Variants in NLRP11 observed in about 807,000 individuals in gnomAD.
NLRP11 encodes the protein NACHT, LRR and PYD domains-containing protein 11.
In NLRP11, 53 loss-of-function variants were observed where a neutral mutation model predicts 79.3. The observed-to-expected ratio is 0.67, with a 90% CI of 0.54 to 0.84. The LOEUF is 0.84. Among genes scored for constraint, NLRP11 ranks in the 40% least tolerant of loss-of-function variants. The pLI is 0.00. For synonymous variants in NLRP11, 518 were observed against 462.6 expected, an observed-to-expected ratio of 1.12 and a Z score of -1.54; for missense variants, 1,264 against 1,255.0, an observed-to-expected ratio of 1.01 and a Z score of -0.11.
At chr19:55,813,840 G>A (rs1210559291) in intron 2 of NLRP11, among the ~76,000 whole-genome samples, 1 of 152,154 alleles carries the variant, frequency 6.6e-6, no homozygotes, top group Non-Finnish European at 1.5e-5. Flanking sequence ...TCACCATGGA[G>A]GACACAGCCA....
At chr19:55,812,124 A>T (rs953074496) in intron 2 of NLRP11, among the ~76,000 whole-genome samples, 3 of 139,662 alleles carry the variant, frequency 2.1e-5, no homozygotes, top group African/African-American at 5.0e-5. Flanking sequence ...AAGTAAAATT[A>T]AAAAAAAATG....
chr19:55,822,819 G>T (rs922462207), intron 1 of NLRP11, among the ~76,000 whole-genome samples: 2 of 152,068 alleles, frequency 1.3e-5, no homozygotes, highest in East Asian at 1.9e-4. Context: ...ACTGCAAGGC[G>T]GCAGCTAGGC....
At chr19:55,820,374 C>A (rs1052932340) in intron 1 of NLRP11, among the ~76,000 whole-genome samples, 1 of 152,004 alleles carries the variant, frequency 6.6e-6, no homozygotes, top group Admixed American at 6.6e-5. Context: ...GAAGACAAAC[C>A]CTGGGGCACA....
chr19:55,811,355 C>T (rs2122833041), intron 2 of NLRP11, among the ~76,000 whole-genome samples: 1 of 152,284 alleles, frequency 6.6e-6, no homozygotes, highest in Middle Eastern at 3.4e-3. Flanking sequence ...GGGATGACTC[C>T]TTCCTTAGTG....
intron 1 of NLRP11, among the ~76,000 whole-genome samples, chr19:55,822,505 G>A (rs564955309): frequency 6.6e-6 from 1 of 152,208 alleles, no homozygotes; most frequent in Admixed American, 6.5e-5. Flanking sequence ...GAGGTACCGG[G>A]TTCATCTCAC....
At chr19:55,799,986 A>G (rs1196763649) in intron 5 of NLRP11, among the ~76,000 whole-genome samples, 1 of 152,138 alleles carries the variant, frequency 6.6e-6, no homozygotes, top group Non-Finnish European at 1.5e-5. Context: ...AATGAAAACA[A>G]AAACAAAAAG....
chr19:55,794,515 C>T (rs911418109), intron 6 of NLRP11, among the ~76,000 whole-genome samples: 1 of 152,124 alleles, frequency 6.6e-6, no homozygotes, highest in African/African-American at 2.4e-5. Context: ...AATCCCAGCA[C>T]CTTGGGAGGC....
intron 5 of NLRP11, among the ~76,000 whole-genome samples, chr19:55,796,805 C>T (rs567164197): frequency 8.5e-5 from 13 of 152,120 alleles, no homozygotes; most frequent in South Asian, 4.2e-4. Flanking sequence ...TCTCCTGCCT[C>T]GGCCTCCCGA....
chr19:55,811,209 A>G (rs1980570416), intron 2 of NLRP11, among the ~76,000 whole-genome samples: 2 of 152,232 alleles, frequency 1.3e-5, no homozygotes, highest in Admixed American at 6.5e-5. Flanking sequence ...AATTTATCGT[A>G]AAGGGAGTCT....
intron 2 of NLRP11, among the ~76,000 whole-genome samples, chr19:55,810,920 G>A (rs1283775439): frequency 6.6e-6 from 1 of 152,194 alleles, no homozygotes; most frequent in Non-Finnish European, 1.5e-5. Flanking sequence ...TTGGCATCAA[G>A]AACATATTTC....
intron 4 of NLRP11, among the ~76,000 whole-genome samples, chr19:55,807,185 C>A (rs1389096936): frequency 6.6e-6 from 1 of 152,106 alleles, no homozygotes; most frequent in Non-Finnish European, 1.5e-5. Context: ...AGGCATTCTT[C>A]TTGAATGAAA....
intron 5 of NLRP11, among the ~76,000 whole-genome samples, chr19:55,796,671 G>A (rs1978917357): frequency 1.3e-5 from 2 of 150,890 alleles, no homozygotes; most frequent in African/African-American, 2.5e-5. Flanking sequence ...CACATGCTCT[G>A]GCTCTCAACT....
At chr19:55,820,940 A>G (rs1447728319) in intron 1 of NLRP11, among the ~76,000 whole-genome samples, 1 of 152,114 alleles carries the variant, frequency 6.6e-6, no homozygotes, top group Non-Finnish European at 1.5e-5. Context: ...TGCCTGCTAC[A>G]TTGGCCGTTG....
upstream of NLRP11, among the ~76,000 whole-genome samples, chr19:55,833,081 T>C (rs1982936073): frequency 6.6e-6 from 1 of 152,204 alleles, no homozygotes; most frequent in Non-Finnish European, 1.5e-5. Flanking sequence ...CTAATTGGAA[T>C]TTAAAATTTT....
intron 4 of NLRP11, among the ~76,000 whole-genome samples, chr19:55,807,060 C>T (rs897830939): frequency 6.6e-6 from 1 of 152,120 alleles, no homozygotes; most frequent in Non-Finnish European, 1.5e-5. Flanking sequence ...CTTTAAAATG[C>T]GTGTACTTAT....
chr19:55,798,665 A>G (rs923086981), intron 5 of NLRP11, among the ~76,000 whole-genome samples: 1 of 152,160 alleles, frequency 6.6e-6, no homozygotes, highest in African/African-American at 2.4e-5. Flanking sequence ...CTAAAAGTAA[A>G]CTAAAAAGAG....
intron 1 of NLRP11, among the ~76,000 whole-genome samples, chr19:55,827,668 C>T (rs988514677): frequency 5.4e-4 from 82 of 151,578 alleles, no homozygotes; most frequent in Admixed American, 1.3e-4. Context: ...TGAAAAAATG[C>T]TCATCATCAC....
At chr19:55,832,151 A>G (rs569169245), upstream of NLRP11, 10 of 152,200 alleles carry the variant, frequency 6.6e-5, no homozygotes, top group African/African-American at 1.4e-4. Context: ...AGATGCCCCA[A>G]TTGTCTTTCT....
chr19:55,815,357 C>T (rs997117980), intron 2 of NLRP11, among the ~76,000 whole-genome samples: 41 of 151,936 alleles, frequency 2.7e-4, no homozygotes, highest in Admixed American at 7.9e-4. Context: ...AGTGAAACCC[C>T]ATCTCTACTA....
Sources: gnomAD v4.1 joint callset for allele counts (sites outside exome capture counted in the v4.1 genomes callset) on GRCh38, gnomAD v4.1.1 for gene constraint, MANE v1.5 for transcripts, NCBI Gene and HGNC (gene_info 2026-07-23, HGNC 2026-07-21) for gene names.